ZNF469: variants seen among roughly 807,000 people sequenced by gnomAD.
The protein encoded by ZNF469 is zinc finger protein 469.
A neutral mutation model predicts 1.0 loss-of-function variants in ZNF469; 1 was observed. The observed-to-expected ratio is 1.00, with a 90% CI of 0.35 to 4.73. The LOEUF is 4.73. Among genes scored for constraint, ZNF469 ranks in the 30% most tolerant of loss-of-function variants. The pLI is 0.16. For synonymous variants in ZNF469, 2,703 were observed against 2,363.4 expected, an observed-to-expected ratio of 1.14 and a Z score of -4.17; for missense variants, 6,100 against 5,356.3, an observed-to-expected ratio of 1.14 and a Z score of -4.33.
the ZNF469 span, among the ~76,000 whole-genome samples, chr16:88,236,208 T>G: frequency 7.9e-5 from 12 of 152,224 alleles, no homozygotes; most frequent in Non-Finnish European, 1.5e-4. Context: ...GAAAAAGCCC[T>G]GGAAAGGGAA....
chr16:88,315,688 G>A, the ZNF469 span, among the ~76,000 whole-genome samples: 1 of 152,204 alleles, frequency 6.6e-6, no homozygotes, highest in African/African-American at 2.4e-5. Context: ...AGGTGGGGGA[G>A]GGAGGACCCT....
At chr16:88,406,365 A>G (rs1435046023) in intron 1 of ZNF469, among the ~76,000 whole-genome samples, 1 of 152,092 alleles carries the variant, frequency 6.6e-6, no homozygotes, top group Non-Finnish European at 1.5e-5. Flanking sequence ...GCCTCAGTTT[A>G]CCTGCCTATC....
chr16:88,396,620 CGGG>C (rs1904674477), intron 1 of ZNF469, among the ~76,000 whole-genome samples: 8 of 148,098 alleles, frequency 5.4e-5, no homozygotes, highest in Non-Finnish European at 9.0e-5. Context: ...GAAGGGAGGC[CGGG>C]AGGAGACCCT....
the ZNF469 span, among the ~76,000 whole-genome samples, chr16:88,230,601 C>T: frequency 1.5e-5 from 1 of 64,996 alleles, no homozygotes; most frequent in Non-Finnish European, 5.4e-5. Flanking sequence ...TCTGAGCCTC[C>T]GGGGACGCCC....
the ZNF469 span, among the ~76,000 whole-genome samples, chr16:88,176,005 C>G: frequency 6.6e-6 from 1 of 152,180 alleles, no homozygotes; most frequent in African/African-American, 2.4e-5. Flanking sequence ...CACCAGGTGG[C>G]TAGTGTGTGG....
intron 1 of ZNF469, among the ~76,000 whole-genome samples, chr16:88,407,942 G>A (rs147076767): frequency 6.6e-4 from 101 of 152,390 alleles, no homozygotes; most frequent in African/African-American, 2.0e-3. Context: ...GCTGCATCAC[G>A]TGAGTGCATG....
At chr16:88,306,022 T>A in the ZNF469 span, among the ~76,000 whole-genome samples, 2 of 152,186 alleles carry the variant, frequency 1.3e-5, no homozygotes, top group African/African-American at 4.8e-5. Context: ...CATACACATG[T>A]GGGTGTGAAT....
At chr16:88,125,711 TTTTGTTAAA>T in the ZNF469 span, among the ~76,000 whole-genome samples, 2 of 152,266 alleles carry the variant, frequency 1.3e-5, no homozygotes, top group Non-Finnish European at 2.9e-5. Flanking sequence ...GTAGCTCATA[TTTTGTTAAA>T]TTTATCCCTA....
chr16:88,232,569 G>T, the ZNF469 span, among the ~76,000 whole-genome samples: 2 of 152,360 alleles, frequency 1.3e-5, no homozygotes, highest in Admixed American at 1.3e-4. Context: ...AGTTAACGCT[G>T]TCCTTGTTTT....
the ZNF469 span, among the ~76,000 whole-genome samples, chr16:88,203,397 G>A: frequency 1.3e-5 from 2 of 152,144 alleles, no homozygotes; most frequent in African/African-American, 2.4e-5. Flanking sequence ...ACCTGAGGGC[G>A]GCGCCTGCCT....
chr16:88,163,789 G>T, the ZNF469 span, among the ~76,000 whole-genome samples: 1 of 152,026 alleles, frequency 6.6e-6, no homozygotes, highest in African/African-American at 2.4e-5. Flanking sequence ...GCCTGAAAGG[G>T]TGGGTAAGTT....
the ZNF469 span, among the ~76,000 whole-genome samples, chr16:88,221,444 G>C: frequency 7.2e-5 from 11 of 152,368 alleles, no homozygotes; most frequent in African/African-American, 2.6e-4. Flanking sequence ...GCTCCCCGAG[G>C]AGGTTGTGGG....
the ZNF469 span, among the ~76,000 whole-genome samples, chr16:88,159,451 C>T: frequency 3.9e-5 from 6 of 152,238 alleles, no homozygotes; most frequent in East Asian, 1.2e-3. Flanking sequence ...GGCCATGGCT[C>T]TGTGGATCTC....
chr16:88,357,707 T>C, the ZNF469 span, among the ~76,000 whole-genome samples: 1 of 152,220 alleles, frequency 6.6e-6, no homozygotes, highest in Non-Finnish European at 1.5e-5. Context: ...GCGCAGTTAT[T>C]TCATTTCCCA....
chr16:88,247,544 G>GTGAGTGAGTGAA, the ZNF469 span, among the ~76,000 whole-genome samples: 8 of 150,610 alleles, frequency 5.3e-5, no homozygotes, highest in East Asian at 2.0e-4. Flanking sequence ...GAGTGAATGA[G>GTGAGTGAGTGAA]TGAATGAATG....
intron 1 of ZNF469, among the ~76,000 whole-genome samples, chr16:88,390,132 C>A (rs2142264139): frequency 6.6e-6 from 1 of 152,340 alleles, no homozygotes; most frequent in African/African-American, 2.4e-5. Flanking sequence ...CGAACTGACA[C>A]TGACTCCGGG....
chr16:88,381,387 T>TCACACACAGAGACATGCAC (rs1567496205), upstream of ZNF469, among the ~76,000 whole-genome samples: 1 of 119,908 alleles, frequency 8.3e-6, no homozygotes, highest in Non-Finnish European at 2.0e-5. Context: ...GAGACATGCA[T>TCACACACAGAGACATGCAC]TCACACACAC....
At chr16:88,229,152 C>T in the ZNF469 span, among the ~76,000 whole-genome samples, 84 of 152,098 alleles carry the variant, frequency 5.5e-4, no homozygotes, top group African/African-American at 2.0e-3. Context: ...ATAAAAAAGT[C>T]AAACCAAGAT....
the ZNF469 span, among the ~76,000 whole-genome samples, chr16:88,216,933 T>G: frequency 6.6e-6 from 1 of 152,170 alleles, no homozygotes; most frequent in Non-Finnish European, 1.5e-5. Context: ...TTTTAGTTTT[T>G]TTTTCTTCAT....
Sources: gnomAD v4.1 joint callset for allele counts (sites outside exome capture counted in the v4.1 genomes callset) on GRCh38, gnomAD v4.1.1 for gene constraint, MANE v1.5 for transcripts, NCBI Gene and HGNC (gene_info 2026-07-23, HGNC 2026-07-21) for gene names.